NEB: variants seen among roughly 807,000 people sequenced by gnomAD.
NEB encodes nebulin.
In NEB, 512 loss-of-function variants were observed where a neutral mutation model predicts 952.2. The observed-to-expected ratio is 0.54, with a 90% CI of 0.50 to 0.58. The LOEUF (loss-of-function observed/expected upper bound fraction) is 0.58. Ranked by LOEUF, NEB falls within the 20% of genes least tolerant of loss-of-function variation. NEB has a pLI of 0.00. For synonymous variants in NEB, 2,900 were observed against 3,149.8 expected, an observed-to-expected ratio of 0.92 and a Z score of 2.66; for missense variants, 8,428 against 9,231.1, an observed-to-expected ratio of 0.91 and a Z score of 3.56.
At chr2:151,501,247 T>G (rs1200679559) in intron 168 of NEB, 144 bp downstream of exon 168, 1 of 538,588 alleles carries the variant, frequency 1.9e-6, no homozygotes, top group African/African-American at 1.9e-5. Context: ...GAGTAGGAGA[T>G]CTGGAAAACA....
intron 11 of NEB, 107 bp from the exon 12 acceptor site, chr2:151,709,870 C>T: frequency 1.3e-6 from 1 of 793,660 alleles, no homozygotes; most frequent in Non-Finnish European, 2.1e-6. Context: ...CCACCCTGTC[C>T]TTGGTTTAGG....
At chr2:151,525,405 C>T (rs1025183134) in intron 150 of NEB, 132 bp from the exon 151 acceptor site, 1 of 655,046 alleles carries the variant, frequency 1.5e-6, no homozygotes. Flanking sequence ...TAGATAAGAC[C>T]CATATTCTAG....
intron 124 of NEB, among the ~76,000 whole-genome samples, chr2:151,556,376 G>T (rs942458924): frequency 6.6e-6 from 1 of 152,182 alleles, no homozygotes; most frequent in Non-Finnish European, 1.5e-5. Flanking sequence ...CTTCAGGGGT[G>T]TGTGTCTGTG....
At chr2:151,527,775 A>T (rs1449377372) in intron 146 of NEB, among the ~76,000 whole-genome samples, 190 bp from the exon 147 acceptor site, 1 of 152,178 alleles carries the variant, frequency 6.6e-6, no homozygotes, top group African/African-American at 2.4e-5. Flanking sequence ...ATCTGTTGGG[A>T]CCCTGTGGTC....
intron 179 of NEB, chr2:151,491,324 G>C (rs1265109738): frequency 1.6e-5 from 3 of 186,344 alleles, no homozygotes; most frequent in African/African-American, 4.7e-5. Context: ...CTTCCTTGAT[G>C]CAATAGAGCT....
chr2:151,626,534 G>A (rs1004186830), intron 70 of NEB, among the ~76,000 whole-genome samples: 1 of 151,632 alleles, frequency 6.6e-6, no homozygotes, highest in African/African-American at 2.4e-5. Context: ...CATAATAGCT[G>A]TCCCATTCTT....
chr2:151,540,944 A>AT, intron 136 of NEB, 143 bp from the exon 137 acceptor site: 1 of 703,684 alleles, frequency 1.4e-6, no homozygotes, highest in South Asian at 1.7e-5. Context: ...TTTTTTTGTT[A>AT]TATGCGTTTC....
chr2:151,524,482 T>G, intron 152 of NEB, 33 bp downstream of exon 152: 1 of 1,613,242 alleles, frequency 6.2e-7, no homozygotes, highest in Non-Finnish European at 8.5e-7. Context: ...CAATGGCTGT[T>G]GGGGACTGGG....
In NEB at chr2:151,653,930, C is replaced by T. The variant is rs1473357693; in HGVS notation, c.6915+62G>A. Reference sequence around the variant, plus strand: ...AAAGACTATCCATAAAAATAGTTACCGACATTAAGTCACCTGATTCAGATA... The same window carrying T: ...AAAGACTATCCATAAAAATAGTTACTGACATTAAGTCACCTGATTCAGATA... On this transcript the variant is annotated intron_variant, in intron 52 of 181. Coordinates refer to ENST00000397345, the MANE Select transcript of NEB (RefSeq NM_001164508.2). 4.2e-5 allele frequency: 45 copies of T among 1,081,084 alleles called. No homozygotes were observed. The East Asian group carries it at 6.5e-4, about 16-fold the overall frequency. 67.0% of individuals were successfully genotyped at this position (1,081,084 alleles called of 1,614,324 possible). A position where few individuals can be genotyped will look rare whatever the true frequency, so the allele number is the denominator to read the frequency against.
At chr2:151,497,437 T>A in intron 171 of NEB, 189 bp downstream of exon 171, 1 of 980,298 alleles carries the variant, frequency 1.0e-6, no homozygotes, top group Non-Finnish European at 1.2e-6. Flanking sequence ...AAATTGAAAT[T>A]AACTGTATTA....
rs2098126558 is a variant in NEB, at chr2:151,614,470, C to T, written c.11407G>A (p.Glu3803Lys). The part of the protein sequence containing the change: ...IHVAKIQSDR[E>K]YKKEFEKWKT... The stretch of plus-strand genomic sequence containing the variant: ...CACTTCTCAAACTCCTTCTTGTACT[C>T]CCTGTCACTCTGGATCTTGGCCACA... The change falls in exon 77 of 182, where the codon GAG becomes AAG. Residue 3803 changes from glutamate to lysine, a missense_variant. This residue lies in a region of NEB where 1,772 missense variants were observed against 1,960.3 expected (regional missense o/e 0.90). Coordinates refer to ENST00000397345, the MANE Select transcript of NEB (RefSeq NM_001164508.2). 1 of 1,613,900 alleles carries T rather than the reference C, an allele frequency of 6.2e-7. No individual in the cohort carries two copies.
intron 5 of NEB, among the ~76,000 whole-genome samples, chr2:151,726,711 A>G (rs899232325): frequency 5.3e-5 from 8 of 152,280 alleles, no homozygotes; most frequent in African/African-American, 1.7e-4. Flanking sequence ...CATTAGAATC[A>G]TCTGGGCAGC....
rs1026842980 is a variant in NEB at position 151,543,580 on chromosome 2, T to C, written c.20578-2029A>G. On this transcript the variant is annotated intron_variant, in intron 135 of 181. Transcript: ENST00000397345. Reference sequence around the variant, plus strand: ...AAGTTGTGAATTACATAAGATCATATAGCTAATTGGAAGTAAATCTGGGAC... The same window carrying C: ...AAGTTGTGAATTACATAAGATCATACAGCTAATTGGAAGTAAATCTGGGAC... 7.2e-5 allele frequency among the ~76,000 whole-genome samples: 11 copies of C among 152,202 alleles called. No homozygotes were observed. In the East Asian group the frequency reaches 1.2e-3, roughly 16 times the overall value.
At chr2:151,645,052 C>T (rs2098936784) in intron 55 of NEB, among the ~76,000 whole-genome samples, 2 of 152,138 alleles carry the variant, frequency 1.3e-5, no homozygotes, top group South Asian at 2.1e-4. Context: ...GGAAAAGATA[C>T]CGCAAAAATA....
intron 25 of NEB, among the ~76,000 whole-genome samples, chr2:151,688,078 T>C (rs1250877421): frequency 6.6e-6 from 1 of 152,180 alleles, no homozygotes; most frequent in African/African-American, 2.4e-5. Context: ...AGACGGGTAA[T>C]TGGAGATCTT....
At chr2:151,560,972 C>A in intron 123 of NEB, 32 bp downstream of exon 123, 1 of 1,341,136 alleles carries the variant, frequency 7.5e-7, no homozygotes, top group South Asian at 1.3e-5. Context: ...AAAGGTGGCT[C>A]ATATATAAGG....
intron 52 of NEB, among the ~76,000 whole-genome samples, chr2:151,652,148 A>C (rs1446455383): frequency 2.6e-5 from 4 of 152,182 alleles, no homozygotes; most frequent in African/African-American, 9.7e-5. Flanking sequence ...TTAGGCAAAA[A>C]TAAGAAGGTA....
intron 5 of NEB, among the ~76,000 whole-genome samples, chr2:151,726,882 C>T (rs6723129): frequency 0.68 from 101,387 of 149,472 alleles, 38,076 homozygotes; most frequent in Non-Finnish European, 0.84. Flanking sequence ...ATTAGGAGAT[C>T]CTACAATTTT....
At chr2:151,632,315 C>CA (rs201218741) in intron 65 of NEB, among the ~76,000 whole-genome samples, 35,351 of 128,678 alleles carry the variant, frequency 0.27, 4,995 homozygotes, top group Admixed American at 0.42. Flanking sequence ...GTAGTCTAGA[C>CA]AAAAAAAAAA....
Sources: allele counts gnomAD v4.1 joint callset (sites outside exome capture counted in the v4.1 genomes callset), GRCh38; gene constraint gnomAD v4.1.1; regional missense constraint gnomAD v4.1.1; transcripts MANE v1.5; gene names NCBI Gene and HGNC (gene_info 2026-07-23, HGNC 2026-07-21).